LDLRAD3: variants seen among roughly 807,000 people sequenced by gnomAD.
The protein encoded by LDLRAD3 is low-density lipoprotein receptor class A domain-containing protein 3.
In LDLRAD3, 20 loss-of-function variants were observed where a neutral mutation model predicts 29.4. The ratio of observed to expected loss-of-function variants is 0.68; its 90% CI spans 0.48 to 0.99. The LOEUF is 0.99. LDLRAD3 is among the 50% of genes least tolerant of loss of function. The pLI is 0.00. For missense variants in LDLRAD3, 420 were observed against 454.3 expected (o/e 0.92, Z 0.69); for synonymous variants, 157 against 192.7 (o/e 0.81, Z 1.53).
chr11:36,025,101 G>C (rs1285620843), intron 1 of LDLRAD3, among the ~76,000 whole-genome samples: 1 of 152,164 alleles, frequency 6.6e-6, no homozygotes, highest in African/African-American at 2.4e-5. Context: ...GAAGGTCTTT[G>C]CATTTGCTCT....
At chr11:36,196,175 T>C (rs1855029862) in intron 4 of LDLRAD3, 1 of 152,230 alleles carries the variant, frequency 6.6e-6, no homozygotes, top group South Asian at 2.1e-4. Flanking sequence ...CTGAGTTATC[T>C]AATATCTTTG....
chr11:36,035,095 T>C (rs758632174), intron 1 of LDLRAD3, among the ~76,000 whole-genome samples: 1 of 152,082 alleles, frequency 6.6e-6, no homozygotes, highest in Non-Finnish European at 1.5e-5. Context: ...AGCACAAGTA[T>C]CTGGTCATAA....
chr11:36,129,584 G>A (rs562360677), intron 4 of LDLRAD3, among the ~76,000 whole-genome samples: 36 of 152,274 alleles, frequency 2.4e-4, no homozygotes, highest in East Asian at 3.9e-4. Context: ...GTCCCTTCCC[G>A]GGAGCCACAG....
intron 1 of LDLRAD3, among the ~76,000 whole-genome samples, chr11:35,983,103 C>T (rs1222014096): frequency 6.6e-6 from 1 of 152,334 alleles, no homozygotes; most frequent in Non-Finnish European, 1.5e-5. Flanking sequence ...ATCTACCCGC[C>T]TTGGCCTCCC....
At chr11:36,105,905 A>C (rs1436818299) in intron 4 of LDLRAD3, among the ~76,000 whole-genome samples, 1 of 152,230 alleles carries the variant, frequency 6.6e-6, no homozygotes, top group Admixed American at 6.5e-5. Context: ...TAAGCAAGGC[A>C]CAGCCATTCA....
At chr11:36,142,349 T>C (rs1307692220) in intron 4 of LDLRAD3, among the ~76,000 whole-genome samples, 1 of 152,268 alleles carries the variant, frequency 6.6e-6, no homozygotes, top group East Asian at 1.9e-4. Context: ...TGTTTGTTCC[T>C]ACTCTGTAGT....
intron 1 of LDLRAD3, among the ~76,000 whole-genome samples, chr11:36,025,668 T>C (rs1242873441): frequency 1.3e-5 from 2 of 151,602 alleles, no homozygotes; most frequent in Non-Finnish European, 2.9e-5. Flanking sequence ...GGATTACAGG[T>C]GTGAGCCACC....
intron 1 of LDLRAD3, among the ~76,000 whole-genome samples, chr11:35,959,233 A>G (rs893465075): frequency 2.6e-5 from 4 of 152,228 alleles, no homozygotes; most frequent in African/African-American, 4.8e-5. Context: ...CTGTGTTTGC[A>G]GACAGTTTAT....
At chr11:36,104,710 T>A (rs1203049932) in intron 4 of LDLRAD3, among the ~76,000 whole-genome samples, 1 of 152,196 alleles carries the variant, frequency 6.6e-6, no homozygotes, top group East Asian at 1.9e-4. Context: ...ATGAAGAAAC[T>A]GAGGAACACA....
chr11:36,212,426 T>G (rs1274909129), intron 4 of LDLRAD3, among the ~76,000 whole-genome samples: 1 of 151,886 alleles, frequency 6.6e-6, no homozygotes, highest in Non-Finnish European at 1.5e-5. Flanking sequence ...TTGAGCAGAG[T>G]TCTAAAAAGG....
At chr11:36,145,075 G>A (rs1327177495) in intron 4 of LDLRAD3, among the ~76,000 whole-genome samples, 3 of 102,480 alleles carry the variant, frequency 2.9e-5, no homozygotes, top group African/African-American at 3.9e-5. Context: ...GAGCCCCTCT[G>A]CCCGGCCAGC....
chr11:36,010,446 A>G (rs532105719), intron 1 of LDLRAD3, among the ~76,000 whole-genome samples: 4 of 152,318 alleles, frequency 2.6e-5, no homozygotes, highest in South Asian at 4.1e-4. Context: ...AAAAATTTCC[A>G]ATAGCTTCCA....
At chr11:36,177,697 G>A (rs577714080) in intron 4 of LDLRAD3, among the ~76,000 whole-genome samples, 184 of 152,310 alleles carry the variant, frequency 1.2e-3, no homozygotes, top group Non-Finnish European at 2.4e-3. Context: ...TCTCTCAGCC[G>A]TGGATACCAG....
intron 1 of LDLRAD3, among the ~76,000 whole-genome samples, chr11:36,015,756 A>G (rs750205794): frequency 1.3e-5 from 2 of 152,090 alleles, no homozygotes; most frequent in Non-Finnish European, 2.9e-5. Context: ...TCCACGTTAA[A>G]AAGATCTAGT....
intron 1 of LDLRAD3, among the ~76,000 whole-genome samples, chr11:36,010,611 T>TAG (rs1305986584): frequency 6.6e-6 from 1 of 152,214 alleles, no homozygotes; most frequent in African/African-American, 2.4e-5. Flanking sequence ...CCAAGTTCTA[T>TAG]AGTCTGGCAC....
intron 4 of LDLRAD3, among the ~76,000 whole-genome samples, chr11:36,182,920 T>C (rs1248979728): frequency 1.3e-5 from 2 of 152,222 alleles, no homozygotes; most frequent in East Asian, 1.9e-4. Context: ...ATATTAAGCA[T>C]TAAACCAAGG....
chr11:36,130,201 G>A (rs1455116298), intron 4 of LDLRAD3, among the ~76,000 whole-genome samples: 2 of 152,164 alleles, frequency 1.3e-5, no homozygotes, highest in Non-Finnish European at 2.9e-5. Flanking sequence ...ATAGTAGCAC[G>A]GTGGGCTTCC....
intron 4 of LDLRAD3, chr11:36,197,567 G>A (rs1855052803): frequency 6.6e-6 from 1 of 152,344 alleles, no homozygotes; most frequent in African/African-American, 2.4e-5. Context: ...TACTAAGCAA[G>A]TGTTAGCTGC....
chr11:36,146,791 T>A (rs1019892907), intron 4 of LDLRAD3, among the ~76,000 whole-genome samples: 2 of 151,730 alleles, frequency 1.3e-5, no homozygotes, highest in Non-Finnish European at 2.9e-5. Context: ...TATTTTATTT[T>A]ATTTTATTGA....
Sources: gnomAD v4.1 joint callset for allele counts (sites outside exome capture counted in the v4.1 genomes callset) on GRCh38, gnomAD v4.1.1 for gene constraint, MANE v1.5 for transcripts, NCBI Gene and HGNC (gene_info 2026-07-23, HGNC 2026-07-21) for gene names.